The following FGD3 variants were observed in gnomAD, a reference collection of about 807,000 sequenced individuals.
FGD3 encodes the protein FYVE, RhoGEF and PH domain-containing protein 3.
A neutral mutation model predicts 71.8 loss-of-function variants in FGD3; 45 were observed. The observed-to-expected ratio is 0.63, with a 90% CI of 0.49 to 0.80. The LOEUF is 0.80. FGD3 is among the 30% of genes least tolerant of loss of function. FGD3 has a pLI of 0.00. For missense variants in FGD3, 844 were observed against 951.5 expected, an observed-to-expected ratio of 0.89 and a Z score of 1.49; for synonymous variants, 378 against 392.8, an observed-to-expected ratio of 0.96 and a Z score of 0.44.
At chr9:93,034,318 C>A (rs1434187659) in intron 16 of FGD3, 5 of 498,170 alleles carry the variant, frequency 1.0e-5, no homozygotes, top group Non-Finnish European at 1.4e-5. Flanking sequence ...TTGGAGGGCC[C>A]AGCCTGCAAA....
intron 15 of FGD3, 116 bp downstream of exon 15, chr9:93,030,112 G>T (rs570988626): frequency 4.8e-6 from 6 of 1,257,372 alleles, no homozygotes; most frequent in Non-Finnish European, 6.5e-6. Context: ...TGCACGGAAG[G>T]GCTTCCTGAT....
chr9:92,955,355 A>G (rs1345864907), intron 1 of FGD3, among the ~76,000 whole-genome samples: 1 of 152,020 alleles, frequency 6.6e-6, no homozygotes, highest in Non-Finnish European at 1.5e-5. Flanking sequence ...ACCAACATGG[A>G]GAAACCCCAT....
intron 13 of FGD3, among the ~76,000 whole-genome samples, chr9:93,020,782 C>T (rs998873618): frequency 3.3e-5 from 5 of 152,094 alleles, no homozygotes; most frequent in African/African-American, 1.2e-4. Flanking sequence ...TCCGCGTTTG[C>T]CTTATTTGAA....
chr9:93,009,204 A>G (rs1861195075), intron 6 of FGD3, among the ~76,000 whole-genome samples: 1 of 152,024 alleles, frequency 6.6e-6, no homozygotes, highest in African/African-American at 2.4e-5. Flanking sequence ...CGGAGGTTGC[A>G]GTGAGCCGAG....
chr9:92,974,219 A>G (rs1859639380), intron 1 of FGD3, among the ~76,000 whole-genome samples: 1 of 152,106 alleles, frequency 6.6e-6, no homozygotes, highest in African/African-American at 2.4e-5. Flanking sequence ...CTACCTTTGA[A>G]CACACCGAGG....
chr9:93,008,180 G>A (rs931049011), intron 6 of FGD3, among the ~76,000 whole-genome samples: 3 of 152,128 alleles, frequency 2.0e-5, no homozygotes, highest in East Asian at 1.9e-4. Flanking sequence ...ACTTTTGAGC[G>A]TTTTGAAACT....
At position 93,031,234 on chromosome 9, in the gene FGD3, C is replaced by T. The variant is rs144718059; in HGVS notation, c.1680+1238C>T. ...TGTACTCTAGAATTGGGGGATTTAA[C>T]TCAAACCTGGTTTCCCCATCAGACC... On this transcript the variant is annotated intron_variant, in intron 15 of 17. Coordinates refer to ENST00000375482, the MANE Select transcript of FGD3 (RefSeq NM_001083536.2). Among the ~76,000 whole-genome samples the T allele has an allele frequency of 5.1e-4, 77 of 152,326 alleles. 1 individual carries two copies. In the East Asian group the frequency reaches 0.014, roughly 27 times the overall value.
rs542367022 is a variant in FGD3 at position 92,968,212 on chromosome 9, G to A, written c.-217-7026G>A. On this transcript the variant is annotated intron_variant, in intron 1 of 17. Transcript: ENST00000375482. Reference sequence around the variant, plus strand: ...TCTTCTCCCAGTCCACAGTCACAGCGTCATGCCAGGGCTATGGGTCATGAA... The same window carrying A: ...TCTTCTCCCAGTCCACAGTCACAGCATCATGCCAGGGCTATGGGTCATGAA... Among the ~76,000 whole-genome samples the A allele has an allele frequency of 3.3e-5, 5 of 152,208 alleles. No individual in the cohort carries two copies. In the East Asian group the frequency reaches 5.8e-4, roughly 18 times the overall value.
chr9:92,976,070 C>T, intron 2 of FGD3, 138 bp from the exon 3 acceptor site: 1 of 567,058 alleles, frequency 1.8e-6, no homozygotes, highest in Non-Finnish European at 3.1e-6. Flanking sequence ...ACACTTCACA[C>T]ACAACCCCCA....
chr9:93,012,400 T>A (rs1861447085), intron 8 of FGD3, among the ~76,000 whole-genome samples: 1 of 151,990 alleles, frequency 6.6e-6, no homozygotes, highest in East Asian at 1.9e-4. Context: ...CCCCACAAAG[T>A]GGTCCCCGGC....
At chr9:93,007,184 A>G (rs1259600334) in intron 6 of FGD3, among the ~76,000 whole-genome samples, 1 of 146,144 alleles carries the variant, frequency 6.8e-6, no homozygotes, top group African/African-American at 2.5e-5. Context: ...TCCGCCTCCC[A>G]GGTTCACGCC....
intron 3 of FGD3, among the ~76,000 whole-genome samples, chr9:92,977,928 C>T (rs574286284): frequency 6.6e-6 from 1 of 152,132 alleles, no homozygotes; most frequent in Non-Finnish European, 1.5e-5. Flanking sequence ...GACTCTGTGG[C>T]AATAAGATAC....
At chr9:93,018,257 G>A (rs769315938) in intron 11 of FGD3, 42 bp downstream of exon 11, 1 of 1,544,214 alleles carries the variant, frequency 6.5e-7, no homozygotes, top group South Asian at 1.1e-5. Flanking sequence ...TTGACCTCAT[G>A]TCTTCTTTTT....
intron 1 of FGD3, among the ~76,000 whole-genome samples, chr9:92,967,935 G>A (rs528258638): frequency 2.6e-5 from 4 of 152,266 alleles, no homozygotes; most frequent in South Asian, 4.1e-4. Flanking sequence ...CTTTATCCAG[G>A]TTTCTAGGGA....
At chr9:92,977,051 G>T (rs1859787146) in intron 3 of FGD3, among the ~76,000 whole-genome samples, 1 of 152,218 alleles carries the variant, frequency 6.6e-6, no homozygotes, top group Non-Finnish European at 1.5e-5. Context: ...AGTGCTCACT[G>T]CTGACTTTAT....
intron 3 of FGD3, among the ~76,000 whole-genome samples, chr9:92,998,007 T>C (rs1365048447): frequency 6.6e-6 from 1 of 152,226 alleles, no homozygotes; most frequent in Non-Finnish European, 1.5e-5. Context: ...TGAATTTGAA[T>C]GTTGGCCTGC....
In FGD3 at chr9:92,969,205, C is replaced by T. The variant is rs1587817822; in HGVS notation, c.-217-6033C>T. Among the ~76,000 whole-genome samples the T allele has an allele frequency of 6.6e-6, 1 of 152,246 alleles. No homozygotes were observed. The highest frequency in any genetic ancestry group is 2.4e-5 in the African/African-American group (1 of 41,466). ...CCGGGTGCAGCGGGCGGCTCTTGCC[C>T]ACAGGGCTGGGACCCATTGCATAAG... On this transcript the variant is annotated intron_variant, in intron 1 of 17. Coordinates refer to ENST00000375482, the MANE Select transcript of FGD3 (RefSeq NM_001083536.2). The surrounding 1 kb of genome is among the most constrained non-coding windows in gnomAD (Gnocchi z 4.5).
At chr9:93,025,681 C>T (rs534360553) in intron 14 of FGD3, among the ~76,000 whole-genome samples, 29 of 152,364 alleles carry the variant, frequency 1.9e-4, no homozygotes, top group African/African-American at 7.0e-4. Context: ...TTGCAAGGGG[C>T]CTTGCAGAAT....
intron 1 of FGD3, among the ~76,000 whole-genome samples, chr9:92,971,701 G>T (rs913367457): frequency 6.7e-6 from 1 of 148,326 alleles, no homozygotes; most frequent in African/African-American, 2.5e-5. Context: ...TCAGCCTTTC[G>T]AGTAGCTGGG....
Sources: allele counts gnomAD v4.1 joint callset (sites outside exome capture counted in the v4.1 genomes callset), GRCh38; gene constraint gnomAD v4.1.1; non-coding constraint Gnocchi (gnomAD v3.1); transcripts MANE v1.5; gene names NCBI Gene and HGNC (gene_info 2026-07-23, HGNC 2026-07-21).